Variants in NFIA observed in about 807,000 individuals in gnomAD.
NFIA encodes nuclear factor 1 A-type.
In NFIA, 8 loss-of-function variants were observed where a neutral mutation model predicts 62.8. The observed-to-expected ratio is 0.13, with a 90% CI of 0.07 to 0.23. The LOEUF (loss-of-function observed/expected upper bound fraction) is 0.23, where lower values mean the gene tolerates loss of function less well. NFIA is among the 10% of genes least tolerant of loss of function. NFIA has a pLI of 1.00. For synonymous variants in NFIA, 235 were observed against 238.1 expected (o/e 0.99, Z 0.12); for missense variants, 410 against 642.1 (o/e 0.64, Z 3.91).
At chr1:61,138,574 T>C (rs2100501455) in intron 2 of NFIA, among the ~76,000 whole-genome samples, 1 of 151,480 alleles carries the variant, frequency 6.6e-6, no homozygotes, top group South Asian at 2.1e-4. Context: ...TGTTTATTTA[T>C]TTATTTATTT....
intron 3 of NFIA, among the ~76,000 whole-genome samples, chr1:61,311,192 G>C (rs1660092465): frequency 6.6e-6 from 1 of 152,190 alleles, no homozygotes; most frequent in Non-Finnish European, 1.5e-5. Context: ...GGAAGTTCGA[G>C]ACCAGCCTGA....
chr1:61,094,289 T>A (rs904678426), intron 2 of NFIA, among the ~76,000 whole-genome samples: 2 of 149,952 alleles, frequency 1.3e-5, no homozygotes, highest in Non-Finnish European at 2.9e-5. Context: ...TATGCTTTGT[T>A]AAAGAGAAAC....
chr1:61,252,406 G>C (rs1656102506), intron 2 of NFIA, among the ~76,000 whole-genome samples: 2 of 152,176 alleles, frequency 1.3e-5, no homozygotes, highest in South Asian at 4.2e-4. Context: ...AAATTTATGT[G>C]AACCAATGGC....
rs1569929053 is a variant in NFIA at position 61,455,513 on chromosome 1, A to T, written c.*193A>T. On this transcript the variant is annotated 3_prime_UTR_variant, in exon 11 of 11. Coordinates refer to ENST00000403491, the MANE Select transcript of NFIA (RefSeq NM_001134673.4). ...ACAGCAAAGGCCATAACCTTTTGGG[A>T]TTTTTTTTTTTTTAAAATACTTTAG... 2 of 583,154 alleles carry T rather than the reference A, an allele frequency of 3.4e-6. No individual in the cohort carries two copies. Among genetic ancestry groups the T allele is most frequent in the African/African-American group, 1.9e-5 (1 of 51,986 alleles). 36.1% of individuals were successfully genotyped at this position (583,154 alleles called of 1,614,324 possible). A position where few individuals can be genotyped will look rare whatever the true frequency, so the allele number is the denominator to read the frequency against.
intron 3 of NFIA, among the ~76,000 whole-genome samples, chr1:61,326,285 C>T (rs1359234841): frequency 2.0e-5 from 3 of 152,146 alleles, no homozygotes; most frequent in East Asian, 3.9e-4. Flanking sequence ...TCATCAGAAA[C>T]GCCTGAATCA....
rs951831104 is a variant in NFIA, at chr1:61,360,498, A to G, written c.946+1224A>G. ...CATAGCTACTACCTAGCATAGAGTA[A>G]GTATGAAAATACTGTTCTATGGCCA... On this transcript the variant is annotated intron_variant, in intron 6 of 10. Coordinates refer to ENST00000403491, the MANE Select transcript of NFIA (RefSeq NM_001134673.4). Among the ~76,000 whole-genome samples the G allele has an allele frequency of 2.0e-5, 3 of 152,256 alleles. No homozygotes were observed. The East Asian group carries it at 5.8e-4, about 29-fold the overall frequency.
intron 6 of NFIA, among the ~76,000 whole-genome samples, chr1:61,382,078 T>C (rs1020807514): frequency 6.6e-6 from 1 of 152,210 alleles, no homozygotes; most frequent in Non-Finnish European, 1.5e-5. Context: ...TTTGGTTCTT[T>C]TAACATCAGT....
intron 3 of NFIA, among the ~76,000 whole-genome samples, chr1:61,312,825 T>A (rs1660187650): frequency 6.6e-6 from 1 of 152,118 alleles, no homozygotes; most frequent in Admixed American, 6.5e-5. Flanking sequence ...AAATTAGGAC[T>A]TCTTTACAAT....
intron 4 of NFIA, among the ~76,000 whole-genome samples, chr1:61,340,501 A>C (rs1012171957): frequency 1.3e-5 from 2 of 152,172 alleles, no homozygotes; most frequent in African/African-American, 4.8e-5. Flanking sequence ...TGCTGAGTCT[A>C]AGTCCAAGTA....
intron 3 of NFIA, among the ~76,000 whole-genome samples, chr1:61,310,525 G>A (rs1252682629): frequency 6.6e-6 from 1 of 152,072 alleles, no homozygotes; most frequent in Admixed American, 6.5e-5. Context: ...GGCAGTGAGG[G>A]ATCTTAAATG....
intron 2 of NFIA, among the ~76,000 whole-genome samples, chr1:61,112,682 T>C (rs888859628): frequency 2.0e-5 from 3 of 152,200 alleles, no homozygotes; most frequent in Non-Finnish European, 2.9e-5. Context: ...ATTAGCTTCC[T>C]AGAGGGTGAT....
chr1:61,296,505 C>G (rs1399220975), intron 3 of NFIA, among the ~76,000 whole-genome samples: 1 of 152,070 alleles, frequency 6.6e-6, no homozygotes, highest in African/African-American at 2.4e-5. Flanking sequence ...ACACAGTTGT[C>G]CCAAGTAATT....
chr1:61,317,472 A>C (rs1660426999), intron 3 of NFIA, among the ~76,000 whole-genome samples: 1 of 152,076 alleles, frequency 6.6e-6, no homozygotes, highest in Non-Finnish European at 1.5e-5. Flanking sequence ...ACAAATATAT[A>C]TACTAATATG....
At chr1:61,256,202 T>C (rs1226533360) in intron 2 of NFIA, among the ~76,000 whole-genome samples, 1 of 151,472 alleles carries the variant, frequency 6.6e-6, no homozygotes, top group East Asian at 1.9e-4. Context: ...CCAAGGCGGG[T>C]GGATCATTTG....
intron 3 of NFIA, among the ~76,000 whole-genome samples, chr1:61,324,447 C>T (rs573788774): frequency 6.6e-6 from 1 of 152,220 alleles, no homozygotes; most frequent in Non-Finnish European, 1.5e-5. Flanking sequence ...AGTTTGCCTA[C>T]ATCCCTTAAC....
At chr1:61,314,769 G>A (rs914460227) in intron 3 of NFIA, among the ~76,000 whole-genome samples, 2 of 152,250 alleles carry the variant, frequency 1.3e-5, no homozygotes, top group Admixed American at 6.5e-5. Flanking sequence ...ACATTGCAGC[G>A]ACCTGTGATG....
intron 6 of NFIA, among the ~76,000 whole-genome samples, chr1:61,372,159 GA>G (rs930277177): frequency 1.3e-5 from 2 of 151,846 alleles, no homozygotes; most frequent in African/African-American, 4.8e-5. Context: ...AAGATGAGGA[GA>G]AAAAAGGGTG....
chr1:61,339,568 C>T (rs1191549679), intron 4 of NFIA, among the ~76,000 whole-genome samples: 1 of 152,106 alleles, frequency 6.6e-6, no homozygotes, highest in Non-Finnish European at 1.5e-5. Context: ...CCAGCTTCCT[C>T]TACTATAATT....
At chr1:61,443,850 A>C (rs1432849060) in intron 10 of NFIA, among the ~76,000 whole-genome samples, 2 of 152,132 alleles carry the variant, frequency 1.3e-5, no homozygotes, top group African/African-American at 4.8e-5. Context: ...AACAAGATTG[A>C]GTCTTAATTT....
Sources: gnomAD v4.1 joint callset for allele counts (sites outside exome capture counted in the v4.1 genomes callset) on GRCh38, gnomAD v4.1.1 for gene constraint, MANE v1.5 for transcripts, NCBI Gene and HGNC (gene_info 2026-07-23, HGNC 2026-07-21) for gene names.